Variants in TASP1 observed in about 807,000 individuals in gnomAD.
The protein encoded by TASP1 is taspase 1.
TASP1 carries 16 observed loss-of-function variants against 56.6 expected under a neutral mutation model. The ratio of observed to expected loss-of-function variants is 0.28; its 90% CI spans 0.19 to 0.43. The LOEUF is 0.43. Ranked by LOEUF, TASP1 falls within the 20% of genes least tolerant of loss-of-function variation. The probability of loss-of-function intolerance (pLI) is 1.00; values close to 1 mark genes in which losing one functional copy is unlikely to be tolerated. For missense variants in TASP1, 393 were observed against 511.6 expected (o/e 0.77, Z 2.24); for synonymous variants, 179 against 184.2 (o/e 0.97, Z 0.23).
chr20:13,347,760 TGAA>T, the TASP1 span, among the ~76,000 whole-genome samples: 1 of 151,656 alleles, frequency 6.6e-6, no homozygotes, highest in Non-Finnish European at 1.5e-5. Context: ...GAAAATCGCT[TGAA>T]TCCGGGGGGC....
chr20:13,412,598 T>C (rs1038661614), intron 13 of TASP1, among the ~76,000 whole-genome samples: 2 of 152,194 alleles, frequency 1.3e-5, no homozygotes, highest in African/African-American at 2.4e-5. Flanking sequence ...CTCCCTCCTA[T>C]GGCTTTATGT....
chr20:13,521,567 G>A (rs1219246593), intron 10 of TASP1, among the ~76,000 whole-genome samples: 1 of 149,962 alleles, frequency 6.7e-6, no homozygotes. Context: ...TCACTCATAG[G>A]TGGGAATTGA....
In TASP1 at chr20:13,576,349, G is replaced by GAAAGA. The variant is rs1415724086; in HGVS notation, c.488+4543_488+4547dup. On this transcript the variant is annotated intron_variant, in intron 6 of 13. Coordinates refer to ENST00000337743, the MANE Select transcript of TASP1 (RefSeq NM_017714.3). ...AAAGAGAAAGAAAGAAAGGAAGAAA[G>GAAAGA]AAAGAAAGAAAGAAAGAAAGAAAGA... 5.3e-5 allele frequency among the ~76,000 whole-genome samples: 5 copies of GAAAGA among 94,134 alleles called. No individual in the cohort carries two copies. In the East Asian group the frequency reaches 1.1e-3, roughly 21 times the overall value. The allele number at this position is 94,134 out of a possible 152,430, so 61.8% of individuals were successfully genotyped here.
the TASP1 span, among the ~76,000 whole-genome samples, chr20:13,105,078 C>A: frequency 6.6e-6 from 1 of 152,134 alleles, no homozygotes; most frequent in Non-Finnish European, 1.5e-5. Context: ...GCCTACAGAA[C>A]ATAAATCACA....
chr20:13,332,973 A>G, the TASP1 span, among the ~76,000 whole-genome samples: 1 of 152,240 alleles, frequency 6.6e-6, no homozygotes, highest in South Asian at 2.1e-4. Context: ...TCATAACACT[A>G]TACGCAAATG....
At chr20:13,432,902 C>T (rs567648832) in intron 12 of TASP1, among the ~76,000 whole-genome samples, 17 of 152,044 alleles carry the variant, frequency 1.1e-4, no homozygotes, top group Non-Finnish European at 2.2e-4. Flanking sequence ...TAGGAATAAT[C>T]GATGAAACAA....
Position 13,496,542 on chromosome 20 carries a change from G to T in TASP1, c.875-13205C>A, listed in dbSNP as rs920555521. On this transcript the variant is annotated intron_variant, in intron 10 of 13. Transcript: ENST00000337743. ...GAGAAATGGCTGGTTCTGGGTCTCT[G>T]GGTCTCATAAAAGATGTATTCAAGA... 1.1e-4 allele frequency among the ~76,000 whole-genome samples: 16 copies of T among 151,286 alleles called. 1 individual carries two copies. Among genetic ancestry groups the T allele is most frequent in the African/African-American group, 3.9e-4 (16 of 41,214 alleles).
At chr20:13,145,493 C>G in the TASP1 span, among the ~76,000 whole-genome samples, 1 of 152,076 alleles carries the variant, frequency 6.6e-6, no homozygotes, top group Non-Finnish European at 1.5e-5. Context: ...AGAGAAGACA[C>G]AAACAAATGG....
chr20:13,220,911 C>T, the TASP1 span, among the ~76,000 whole-genome samples: 1 of 152,164 alleles, frequency 6.6e-6, no homozygotes, highest in Non-Finnish European at 1.5e-5. Flanking sequence ...CCCCGAGCCT[C>T]AGTGTGCACA....
chr20:13,356,942 G>T, the TASP1 span, among the ~76,000 whole-genome samples: 1 of 152,126 alleles, frequency 6.6e-6, no homozygotes, highest in African/African-American at 2.4e-5. Context: ...TTCCACCCTT[G>T]TTTGTAGAGT....
chr20:13,285,577 C>T, the TASP1 span, among the ~76,000 whole-genome samples: 2 of 152,282 alleles, frequency 1.3e-5, no homozygotes, highest in Middle Eastern at 3.4e-3. Context: ...TGCAGCAAGA[C>T]GGAATGCACG....
intron 5 of TASP1, among the ~76,000 whole-genome samples, chr20:13,583,459 C>T (rs1001191846): frequency 6.6e-6 from 1 of 152,200 alleles, no homozygotes; most frequent in Non-Finnish European, 1.5e-5. Context: ...TTTGAGTTCT[C>T]GTCCCATGTT....
chr20:13,577,102 G>A (rs1432027699), intron 6 of TASP1, among the ~76,000 whole-genome samples: 1 of 152,154 alleles, frequency 6.6e-6, no homozygotes, highest in Non-Finnish European at 1.5e-5. Context: ...TTGTTACCTA[G>A]GGGTAGGGCA....
intron 1 of TASP1, among the ~76,000 whole-genome samples, chr20:13,638,626 G>A (rs1268305757): frequency 1.3e-5 from 2 of 152,214 alleles, no homozygotes; most frequent in Middle Eastern, 3.2e-3. Flanking sequence ...CCCACATACA[G>A]ACAGTACTTC....
At chr20:13,410,618 G>T (rs755044942) in intron 13 of TASP1, among the ~76,000 whole-genome samples, 5 of 152,054 alleles carry the variant, frequency 3.3e-5, no homozygotes, top group Non-Finnish European at 7.4e-5. Flanking sequence ...TTGGCCATTT[G>T]TATGTCTTCT....
intron 6 of TASP1, among the ~76,000 whole-genome samples, chr20:13,573,377 A>G (rs1257700115): frequency 3.3e-5 from 5 of 152,144 alleles, no homozygotes; most frequent in Non-Finnish European, 5.9e-5. Flanking sequence ...TTAATGGGAC[A>G]CTGAATCCCC....
At chr20:13,437,054 A>G (rs910022082) in intron 11 of TASP1, among the ~76,000 whole-genome samples, 1 of 152,126 alleles carries the variant, frequency 6.6e-6, no homozygotes. Context: ...AGACACAACA[A>G]AAAAAGAGAA....
the TASP1 span, among the ~76,000 whole-genome samples, chr20:13,242,070 G>GA: frequency 1.7e-4 from 26 of 152,166 alleles, no homozygotes; most frequent in Non-Finnish European, 2.9e-5. Flanking sequence ...TTTAAAACTG[G>GA]AAAAATGAGT....
chr20:13,117,588 C>G, the TASP1 span: 1 of 1,613,822 alleles, frequency 6.2e-7, no homozygotes, highest in East Asian at 2.2e-5. Context: ...AGATGAAGCT[C>G]ACAGTATTGG....
Sources: gnomAD v4.1 joint callset for allele counts (sites outside exome capture counted in the v4.1 genomes callset) on GRCh38, gnomAD v4.1.1 for gene constraint, MANE v1.5 for transcripts, NCBI Gene and HGNC (gene_info 2026-07-23, HGNC 2026-07-21) for gene names.